The following NKAIN2 variants were observed in gnomAD, a reference collection of about 807,000 sequenced individuals.
NKAIN2 encodes the protein sodium/potassium transporting ATPase interacting 2, also known as sodium/potassium-transporting ATPase subunit beta-1-interacting protein 2.
Under a neutral mutation model 32.6 loss-of-function variants are expected in NKAIN2, and 14 were observed. The observed-to-expected ratio is 0.43, with a 90% CI of 0.28 to 0.67. The LOEUF is 0.67. Among genes scored for constraint, NKAIN2 ranks in the 30% least tolerant of loss-of-function variants. The pLI is 0.17. For missense variants in NKAIN2, 198 were observed against 258.3 expected (o/e 0.77, Z 1.60); for synonymous variants, 80 against 87.2 (o/e 0.92, Z 0.46).
chr6:124,744,675 G>A (rs556303805), intron 4 of NKAIN2, among the ~76,000 whole-genome samples: 15 of 151,650 alleles, frequency 9.9e-5, no homozygotes, highest in East Asian at 3.9e-4. Context: ...TCTATTTTGC[G>A]TATTTGGGGT....
intron 1 of NKAIN2, among the ~76,000 whole-genome samples, chr6:123,930,304 G>A (rs745728657): frequency 2.0e-5 from 3 of 152,080 alleles, no homozygotes; most frequent in African/African-American, 4.8e-5. Flanking sequence ...GATATAGCCA[G>A]AGTAGGATTT....
At chr6:124,448,445 C>G (rs1225344907) in intron 3 of NKAIN2, among the ~76,000 whole-genome samples, 1 of 152,102 alleles carries the variant, frequency 6.6e-6, no homozygotes, top group Admixed American at 6.6e-5. Flanking sequence ...AAATGCTTTT[C>G]CTTAATTTGG....
At chr6:124,012,010 C>A (rs1780352144) in intron 1 of NKAIN2, among the ~76,000 whole-genome samples, 1 of 152,078 alleles carries the variant, frequency 6.6e-6, no homozygotes, top group Non-Finnish European at 1.5e-5. Flanking sequence ...ACCTACTCTT[C>A]CTTGCTCTTC....
intron 3 of NKAIN2, among the ~76,000 whole-genome samples, chr6:124,421,180 G>GT (rs1201480124): frequency 6.6e-6 from 1 of 151,896 alleles, no homozygotes; most frequent in Non-Finnish European, 1.5e-5. Flanking sequence ...AGAAAGTAGG[G>GT]TTTTTTCCAC....
At chr6:124,497,525 G>A (rs764640925) in intron 3 of NKAIN2, among the ~76,000 whole-genome samples, 1 of 152,082 alleles carries the variant, frequency 6.6e-6, no homozygotes, top group Non-Finnish European at 1.5e-5. Flanking sequence ...AGATATTAAT[G>A]TCTGGCACTT....
chr6:124,428,153 G>T (rs1775062375), intron 3 of NKAIN2, among the ~76,000 whole-genome samples: 1 of 152,130 alleles, frequency 6.6e-6, no homozygotes, highest in East Asian at 1.9e-4. Flanking sequence ...TCACTACTCA[G>T]AAATTTTGTT....
chr6:124,699,264 C>G (rs1774649689), intron 4 of NKAIN2, among the ~76,000 whole-genome samples: 1 of 152,136 alleles, frequency 6.6e-6, no homozygotes, highest in African/African-American at 2.4e-5. Flanking sequence ...ATTGTTGAAG[C>G]TTAGCTGGAA....
chr6:124,754,650 G>A (rs868692943), intron 4 of NKAIN2, among the ~76,000 whole-genome samples: 2 of 152,042 alleles, frequency 1.3e-5, no homozygotes, highest in African/African-American at 2.4e-5. Context: ...ATGCTGGAGC[G>A]GCTGTGGAGA....
chr6:123,994,892 CTT>C (rs1779554552), intron 1 of NKAIN2, among the ~76,000 whole-genome samples: 1 of 152,276 alleles, frequency 6.6e-6, no homozygotes, highest in Non-Finnish European at 1.5e-5. Context: ...TCCCAGGAAA[CTT>C]TGTGCTCTGC....
At chr6:124,330,763 C>A (rs932225802) in intron 2 of NKAIN2, among the ~76,000 whole-genome samples, 1 of 152,118 alleles carries the variant, frequency 6.6e-6, no homozygotes, top group Non-Finnish European at 1.5e-5. Context: ...AATTGGGCCA[C>A]ACAGCAACAG....
At chr6:124,726,180 A>G (rs999621220) in intron 4 of NKAIN2, among the ~76,000 whole-genome samples, 32 of 152,328 alleles carry the variant, frequency 2.1e-4, no homozygotes, top group African/African-American at 6.5e-4. Flanking sequence ...AAGCAGCCAG[A>G]AAGCTCCAAC....
At chr6:124,365,657 T>C (rs796076896) in intron 3 of NKAIN2, among the ~76,000 whole-genome samples, 2 of 152,074 alleles carry the variant, frequency 1.3e-5, no homozygotes, top group African/African-American at 4.8e-5. Flanking sequence ...ATAGAATATC[T>C]ATATAAAACA....
intron 1 of NKAIN2, among the ~76,000 whole-genome samples, chr6:123,859,554 C>T (rs1158877365): frequency 6.6e-6 from 1 of 152,120 alleles, no homozygotes; most frequent in African/African-American, 2.4e-5. Context: ...CAGTAGCATC[C>T]TCAAGAGCAT....
At chr6:124,423,120 C>T (rs547869037) in intron 3 of NKAIN2, among the ~76,000 whole-genome samples, 5 of 152,308 alleles carry the variant, frequency 3.3e-5, no homozygotes, top group Admixed American at 2.0e-4. Flanking sequence ...CACACCTGTG[C>T]TCTTTCCTGT....
At chr6:124,779,262 A>C (rs1779134615) in intron 4 of NKAIN2, among the ~76,000 whole-genome samples, 2 of 127,940 alleles carry the variant, frequency 1.6e-5, no homozygotes, top group Admixed American at 8.1e-5. Flanking sequence ...AGAGAGAGAG[A>C]GAGAGAGAGA....
chr6:123,809,960 T>A (rs572113637), intron 1 of NKAIN2, among the ~76,000 whole-genome samples: 1 of 152,268 alleles, frequency 6.6e-6, no homozygotes, highest in East Asian at 1.9e-4. Flanking sequence ...TGAAATAAAT[T>A]TTTTCATTTC....
At chr6:124,373,740 G>T (rs1326995864) in intron 3 of NKAIN2, among the ~76,000 whole-genome samples, 1 of 152,096 alleles carries the variant, frequency 6.6e-6, no homozygotes, top group Non-Finnish European at 1.5e-5. Flanking sequence ...ATTGGATAAG[G>T]ATGAAGATTA....
intron 1 of NKAIN2, among the ~76,000 whole-genome samples, chr6:123,845,752 C>T (rs1775061402): frequency 6.6e-6 from 1 of 152,164 alleles, no homozygotes; most frequent in Non-Finnish European, 1.5e-5. Flanking sequence ...ACTAATCCCC[C>T]ACGGATACTG....
chr6:124,266,363 G>A (rs370222864), intron 1 of NKAIN2, among the ~76,000 whole-genome samples: 24 of 151,980 alleles, frequency 1.6e-4, no homozygotes, highest in African/African-American at 3.6e-4. Context: ...CTTTAGCCTC[G>A]ACTTCTTGAG....
Sources: allele counts gnomAD v4.1 joint callset (sites outside exome capture counted in the v4.1 genomes callset), GRCh38; gene constraint gnomAD v4.1.1; transcripts MANE v1.5; gene names NCBI Gene and HGNC (gene_info 2026-07-23, HGNC 2026-07-21).